The following RABGAP1L variants were observed in gnomAD, a reference collection of about 807,000 sequenced individuals.
The protein encoded by RABGAP1L is RAB GTPase activating protein 1 like, also known as rab GTPase-activating protein 1-like.
In RABGAP1L, 63 loss-of-function variants were observed where a neutral mutation model predicts 137.7. The observed-to-expected ratio is 0.46, with a 90% CI of 0.37 to 0.56. The LOEUF (loss-of-function observed/expected upper bound fraction) is 0.56, where lower values mean the gene tolerates loss of function less well. Ranked by LOEUF, RABGAP1L falls within the 20% of genes least tolerant of loss-of-function variation. The pLI is 0.00. For missense variants in RABGAP1L, 1,095 were observed against 1,244.0 expected, an observed-to-expected ratio of 0.88 and a Z score of 1.80; for synonymous variants, 431 against 433.7, an observed-to-expected ratio of 0.99 and a Z score of 0.08.
intron 15 of RABGAP1L, among the ~76,000 whole-genome samples, chr1:174,693,719 AGTAGT>A (rs1348470435): frequency 1.3e-5 from 2 of 152,222 alleles, no homozygotes; most frequent in Non-Finnish European, 2.9e-5. Flanking sequence ...CAATAGATAC[AGTAGT>A]GAAAAAAATA....
chr1:174,869,357 G>A (rs1049611959), intron 19 of RABGAP1L, among the ~76,000 whole-genome samples: 4 of 152,036 alleles, frequency 2.6e-5, no homozygotes, highest in Admixed American at 6.6e-5. Flanking sequence ...TGCTGTTCTT[G>A]TGATCCTGAG....
At chr1:174,663,276 A>G (rs138412120) in intron 14 of RABGAP1L, among the ~76,000 whole-genome samples, 14 of 152,286 alleles carry the variant, frequency 9.2e-5, no homozygotes, top group Non-Finnish European at 8.8e-5. Flanking sequence ...TACCGTTTCT[A>G]TGTTTAGACA....
chr1:174,827,296 T>C (rs1691665730), intron 19 of RABGAP1L, among the ~76,000 whole-genome samples: 1 of 152,168 alleles, frequency 6.6e-6, no homozygotes, highest in Non-Finnish European at 1.5e-5. Context: ...TATAGGCATG[T>C]GCCACTGTGC....
intron 1 of RABGAP1L, among the ~76,000 whole-genome samples, chr1:174,200,266 C>A (rs1234065621): frequency 6.6e-6 from 1 of 152,190 alleles, no homozygotes. Flanking sequence ...AGCTAACAAT[C>A]TGGTGTTCCT....
intron 18 of RABGAP1L, among the ~76,000 whole-genome samples, chr1:174,796,125 G>A (rs146138836): frequency 4.2e-3 from 634 of 152,306 alleles, no homozygotes; most frequent in Middle Eastern, 0.017. Flanking sequence ...AATCGGAAGA[G>A]TTTCTTTTCT....
intron 11 of RABGAP1L, among the ~76,000 whole-genome samples, chr1:174,361,886 T>A (rs1684174706): frequency 6.6e-6 from 1 of 152,214 alleles, no homozygotes; most frequent in African/African-American, 2.4e-5. Flanking sequence ...CATCCAGGTA[T>A]TAAGTCTAGT....
At chr1:174,582,701 A>G (rs936540330) in intron 13 of RABGAP1L, among the ~76,000 whole-genome samples, 1 of 152,212 alleles carries the variant, frequency 6.6e-6, no homozygotes, top group Admixed American at 6.5e-5. Flanking sequence ...GAGCAGTTTC[A>G]GTGGAGTGTT....
rs755688394 is a variant in RABGAP1L, at chr1:174,176,741, A to AAAAAAAAAAAAATAAAATAAAAT, written c.-34+17089_-34+17090insAAAAAAATAAAATAAAATAAAAA. ...AAAAAAAAAAAAAAAAAAAAAAAAA[A>AAAAAAAAAAAAATAAAATAAAAT]AAAAAGGTCAACATTTGTTAATACT... On this transcript the variant is annotated intron_variant, in intron 1 of 25. Transcript: ENST00000681986. Among the ~76,000 whole-genome samples the AAAAAAAAAAAAATAAAATAAAAT allele has an allele frequency of 4.6e-4, 51 of 111,808 alleles. 2 individuals are homozygous for AAAAAAAAAAAAATAAAATAAAAT. Among genetic ancestry groups the AAAAAAAAAAAAATAAAATAAAAT allele is most frequent in the East Asian group, 1.5e-3 (7 of 4,676 alleles). The allele number at this position is 111,808 out of a possible 152,430, so 73.4% of individuals were successfully genotyped here.
chr1:174,358,377 G>T (rs1223313135), intron 11 of RABGAP1L, among the ~76,000 whole-genome samples: 2 of 152,220 alleles, frequency 1.3e-5, no homozygotes, highest in Admixed American at 1.3e-4. Context: ...AGCCCTCATT[G>T]GCTGTGGCAG....
chr1:174,244,892 A>G (rs1489204423), intron 5 of RABGAP1L: 3 of 152,340 alleles, frequency 2.0e-5, no homozygotes, highest in Admixed American at 1.3e-4. Context: ...ACTATTCAGT[A>G]TTAGAAACTC....
At chr1:174,383,399 C>T (rs1436391412) in intron 12 of RABGAP1L, among the ~76,000 whole-genome samples, 1 of 151,870 alleles carries the variant, frequency 6.6e-6, no homozygotes, top group Non-Finnish European at 1.5e-5. Flanking sequence ...CTCACTGCCG[C>T]CTTGCAGTTT....
In RABGAP1L at chr1:174,990,093, GA is replaced by G; in HGVS notation, c.*93del. 7.2e-7 allele frequency: 1 copy of G among 1,391,988 alleles called. No homozygotes were observed. Among genetic ancestry groups the G allele is most frequent in the Non-Finnish European group, 9.7e-7 (1 of 1,035,606 alleles). The allele number at this position is 1,391,988 out of a possible 1,614,324, so 86.2% of individuals were successfully genotyped here. ...GGTGTCCCTTTGAAGGAAAGTCAAG[GA>G]GGCCAGAAAACAAGCCAGAATTTTT... On this transcript the variant is annotated 3_prime_UTR_variant, in exon 26 of 26. Coordinates refer to ENST00000681986, the MANE Select transcript of RABGAP1L (RefSeq NM_001366446.1).
At position 174,766,284 on chromosome 1, in the gene RABGAP1L, C is replaced by G. The variant is rs115584874; in HGVS notation, c.2211+13930C>G. 3.7e-3 allele frequency among the ~76,000 whole-genome samples: 565 copies of G among 152,334 alleles called. 4 individuals carry two copies. The highest frequency in any genetic ancestry group is 0.013 in the African/African-American group (538 of 41,570). On this transcript the variant is annotated intron_variant, in intron 18 of 25. Coordinates refer to ENST00000681986, the MANE Select transcript of RABGAP1L (RefSeq NM_001366446.1). ...TCCTTTTTATGACAGCCCTAGCATA[C>G]CATACACTAGGGGTACACCTTCATC...
intron 11 of RABGAP1L, among the ~76,000 whole-genome samples, chr1:174,364,018 A>G (rs1314092902): frequency 2.6e-5 from 4 of 151,406 alleles, no homozygotes; most frequent in South Asian, 2.1e-4. Flanking sequence ...CTTTTTTGAT[A>G]TGTCTTTTGG....
chr1:174,245,649 T>TA (rs1249863383), intron 5 of RABGAP1L: 4 of 151,822 alleles, frequency 2.6e-5, no homozygotes, highest in South Asian at 2.1e-4. Context: ...TTTTTATTTT[T>TA]TTTTTTGAGG....
In RABGAP1L at chr1:174,168,867, A is replaced by G. The variant is rs1292651301; in HGVS notation, c.-34+9210A>G. Among the ~76,000 whole-genome samples, 3 of 152,222 alleles carry G rather than the reference A, an allele frequency of 2.0e-5. No individual in the cohort carries two copies. In the South Asian group the frequency reaches 6.2e-4, roughly 31 times the overall value. On this transcript the variant is annotated intron_variant, in intron 1 of 25. Coordinates refer to ENST00000681986, the MANE Select transcript of RABGAP1L (RefSeq NM_001366446.1). The stretch of plus-strand genomic sequence containing the variant: ...GTTTAAAAAATTAAAAGTTAAAAAA[A>G]TATTTATGGGGTACAAGTGCAGATT...
chr1:174,849,754 C>A (rs1647923193), intron 19 of RABGAP1L: 21 of 493,892 alleles, frequency 4.3e-5, no homozygotes, highest in South Asian at 3.0e-4. Context: ...TATTCTTGGG[C>A]TATTTTCTCA....
Position 174,993,787 on chromosome 1 carries a change from T to G in RABGAP1L, c.*3786T>G, listed in dbSNP as rs747079945. 3.9e-5 allele frequency: 6 copies of G among 152,234 alleles called. No individual in the cohort carries two copies. Among genetic ancestry groups the G allele is most frequent in the Admixed American group, 2.0e-4 (3 of 15,288 alleles). The allele number at this position is 152,234 out of a possible 1,614,324, so 9.4% of individuals were successfully genotyped here. On this transcript the variant is annotated 3_prime_UTR_variant, in exon 26 of 26. Coordinates refer to ENST00000681986, the MANE Select transcript of RABGAP1L (RefSeq NM_001366446.1). ...TCTGGGAAAGAACACTTTTACTTGA[T>G]TAGCAAGATGATTATATTATATAAC...
intron 10 of RABGAP1L, among the ~76,000 whole-genome samples, chr1:174,301,371 A>G (rs533139242): frequency 6.7e-6 from 1 of 148,756 alleles, no homozygotes; most frequent in Non-Finnish European, 1.5e-5. Flanking sequence ...GCCATCTGGA[A>G]TGGATGGCGG....
Sources: gnomAD v4.1 joint callset for allele counts (sites outside exome capture counted in the v4.1 genomes callset) on GRCh38, gnomAD v4.1.1 for gene constraint, MANE v1.5 for transcripts, NCBI Gene and HGNC (gene_info 2026-07-23, HGNC 2026-07-21) for gene names.